Variants in CFAP20DC observed in about 807,000 individuals in gnomAD.
CFAP20DC encodes CFAP20 domain containing.
CFAP20DC carries 84 observed loss-of-function variants against 101.7 expected under a neutral mutation model. The ratio of observed to expected loss-of-function variants is 0.83; its 90% CI spans 0.69 to 0.99. The LOEUF (loss-of-function observed/expected upper bound fraction) is 0.99, where lower values mean the gene tolerates loss of function less well. Ranked by LOEUF, CFAP20DC falls within the 50% of genes least tolerant of loss-of-function variation. The pLI, the probability that CFAP20DC is intolerant of heterozygous loss-of-function variation, is 0.00. For missense variants in CFAP20DC, 1,007 were observed against 970.3 expected (o/e 1.04, Z -0.50); for synonymous variants, 359 against 351.2 (o/e 1.02, Z -0.25).
At chr3:58,849,711 C>T (rs1223056050) in intron 12 of CFAP20DC, among the ~76,000 whole-genome samples, 3 of 152,048 alleles carry the variant, frequency 2.0e-5, no homozygotes, top group Non-Finnish European at 2.9e-5. Flanking sequence ...CAAAAAATGT[C>T]TAAAAGAAGA....
At chr3:58,931,640 C>T (rs181997812) in intron 5 of CFAP20DC, among the ~76,000 whole-genome samples, 15 of 146,410 alleles carry the variant, frequency 1.0e-4, no homozygotes, top group East Asian at 7.9e-4. Context: ...CTGCAGCCAC[C>T]GCTGCGGATA....
chr3:58,777,145 A>C (rs982194641), intron 15 of CFAP20DC, among the ~76,000 whole-genome samples: 2 of 152,340 alleles, frequency 1.3e-5, no homozygotes, highest in South Asian at 4.1e-4. Context: ...TCTTCTGTTC[A>C]CTGAGATAAA....
At chr3:58,725,676 T>C (rs1421884669) in intron 3 of CFAP20DC, among the ~76,000 whole-genome samples, 3 of 152,334 alleles carry the variant, frequency 2.0e-5, no homozygotes, top group African/African-American at 7.2e-5. Context: ...GCTGAGTCAT[T>C]GTGTGTGGAG....
intron 12 of CFAP20DC, among the ~76,000 whole-genome samples, chr3:58,854,697 C>T (rs1175886308): frequency 6.6e-6 from 1 of 151,836 alleles, no homozygotes; most frequent in Non-Finnish European, 1.5e-5. Flanking sequence ...CTACAACTAT[C>T]TGATCTTTGA....
In CFAP20DC at chr3:58,746,025, C is replaced by T. The variant is rs540652194; in HGVS notation, c.2333-3453G>A. On this transcript the variant is annotated intron_variant, in intron 16 of 16. Coordinates refer to ENST00000482387, the MANE Select transcript of CFAP20DC (RefSeq NM_001394063.1). ...GAAAACAGGATATGTGAGCCAGACA[C>T]AAAAAGGGTTATGTACGTTTATACC... Among the ~76,000 whole-genome samples the T allele has an allele frequency of 7.3e-4, 111 of 152,046 alleles. 3 individuals carry two copies. Among genetic ancestry groups the T allele is most frequent in the Non-Finnish European group, 1.9e-4 (13 of 67,994 alleles).
intron 6 of CFAP20DC, among the ~76,000 whole-genome samples, chr3:58,902,324 A>G (rs547654816): frequency 4.1e-4 from 63 of 152,312 alleles, no homozygotes; most frequent in African/African-American, 1.5e-3. Context: ...ATGGAAATGT[A>G]GGGTTACATG....
Position 58,863,584 on chromosome 3 carries a change from A to C in CFAP20DC, c.1567T>G (p.Phe523Val). Residue 523 changes from phenylalanine (F) to valine (V), a missense_variant, in exon 12 of 17, where the codon TTT (phenylalanine) becomes GTT (valine). By Grantham distance (50) the Phe-to-Val change is conservative. Coordinates refer to ENST00000482387, the MANE Select transcript of CFAP20DC (RefSeq NM_001394063.1). This position sits in a 1 kb window ranked among gnomAD's most constrained non-coding sequence, Gnocchi z 5.9. ...TSRDTQSEDD[F>V]YGGDSSEEGN... The stretch of plus-strand genomic sequence containing the variant: ...TCTTCACTGCTGTCGCCGCCGTAAA[A>C]ATCATCCTCTGATTGGGTGTCTCTG... 1 of 1,614,138 alleles carries C rather than the reference A, an allele frequency of 6.2e-7. No individual in the cohort carries two copies. Among genetic ancestry groups the C allele is most frequent in the Non-Finnish European group, 8.5e-7 (1 of 1,180,024 alleles).
chr3:58,802,791 A>G (rs1027328148), intron 15 of CFAP20DC, among the ~76,000 whole-genome samples: 1 of 152,194 alleles, frequency 6.6e-6, no homozygotes, highest in Non-Finnish European at 1.5e-5. Context: ...TTCATCCTAG[A>G]GCTAACTCTT....
At chr3:58,771,402 A>G (rs2070829142) in intron 15 of CFAP20DC, among the ~76,000 whole-genome samples, 1 of 152,044 alleles carries the variant, frequency 6.6e-6, no homozygotes, top group South Asian at 2.1e-4. Context: ...AGTATAATAA[A>G]AAACAAAAAA....
intron 1 of CFAP20DC, 124 bp downstream of exon 1, chr3:59,049,487 G>T: frequency 1.1e-6 from 1 of 919,138 alleles, no homozygotes; most frequent in Non-Finnish European, 1.7e-6. Context: ...CATTAATTCT[G>T]TCTTACCCCT....
chr3:58,886,040 A>G (rs2081599774), intron 6 of CFAP20DC, among the ~76,000 whole-genome samples: 1 of 152,158 alleles, frequency 6.6e-6, no homozygotes, highest in East Asian at 1.9e-4. Context: ...TAGTAAATAT[A>G]TTAAGCTTTG....
At chr3:59,005,372 A>C (rs1485652448) in intron 4 of CFAP20DC, among the ~76,000 whole-genome samples, 1 of 152,200 alleles carries the variant, frequency 6.6e-6, no homozygotes, top group Non-Finnish European at 1.5e-5. Context: ...GAGAAACAAT[A>C]CATAATACTT....
At chr3:58,740,155 T>TGAGAAGAGAGAAGA, downstream of CFAP20DC, among the ~76,000 whole-genome samples, 1 of 152,006 alleles carries the variant, frequency 6.6e-6, no homozygotes, top group Non-Finnish European at 1.5e-5. This position sits in a 1 kb window ranked among gnomAD's most constrained non-coding sequence, Gnocchi z 4.6. Context: ...GAGAAATGTA[T>TGAGAAGAGAGAAGA]GAGAAGAGAG....
At chr3:58,941,762 G>A (rs1433374421) in intron 4 of CFAP20DC, among the ~76,000 whole-genome samples, 1 of 151,926 alleles carries the variant, frequency 6.6e-6, no homozygotes, top group Non-Finnish European at 1.5e-5. Flanking sequence ...TAGCGATGGG[G>A]TTTCACCGTG....
intron 15 of CFAP20DC, among the ~76,000 whole-genome samples, chr3:58,787,364 A>T (rs1475848394): frequency 2.0e-5 from 3 of 147,310 alleles, no homozygotes; most frequent in Non-Finnish European, 4.5e-5. Flanking sequence ...GGGGAGGGAT[A>T]GCATTGGGAG....
chr3:58,750,490 A>G, intron 16 of CFAP20DC, among the ~76,000 whole-genome samples: 1 of 152,290 alleles, frequency 6.6e-6, no homozygotes, highest in African/African-American at 2.4e-5. Flanking sequence ...ATAAATAGCT[A>G]TTATTATTTA....
chr3:58,809,429 G>A (rs1263503049), intron 14 of CFAP20DC, among the ~76,000 whole-genome samples: 3 of 152,096 alleles, frequency 2.0e-5, no homozygotes, highest in African/African-American at 4.8e-5. Context: ...CATGGAAACT[G>A]AACAACCTGC....
intron 4 of CFAP20DC, among the ~76,000 whole-genome samples, chr3:58,960,910 T>G (rs1048422558): frequency 6.6e-6 from 1 of 152,206 alleles, no homozygotes; most frequent in African/African-American, 2.4e-5. Flanking sequence ...TTTTTCATAG[T>G]TTTCCTTCTT....
At chr3:58,806,031 T>C (rs1417848601) in intron 15 of CFAP20DC, among the ~76,000 whole-genome samples, 4 of 152,204 alleles carry the variant, frequency 2.6e-5, no homozygotes, top group Non-Finnish European at 4.4e-5. Flanking sequence ...AAAATAGTTA[T>C]GCAAATAAAG....
Sources: allele counts gnomAD v4.1 joint callset (sites outside exome capture counted in the v4.1 genomes callset), GRCh38; gene constraint gnomAD v4.1.1; non-coding constraint Gnocchi (gnomAD v3.1); transcripts MANE v1.5; gene names NCBI Gene and HGNC (gene_info 2026-07-23, HGNC 2026-07-21).